DECR1: variants seen among roughly 807,000 people sequenced by gnomAD.
DECR1 encodes 2,4-dienoyl-CoA reductase [(3E)-enoyl-CoA-producing], mitochondrial.
A neutral mutation model predicts 38.8 loss-of-function variants in DECR1; 44 were observed. That is an observed-to-expected ratio of 1.13 (90% CI 0.89 to 1.46). The LOEUF (loss-of-function observed/expected upper bound fraction) is 1.46, where lower values mean the gene tolerates loss of function less well. DECR1 is among the 40% of genes most tolerant of loss of function. DECR1 has a pLI of 0.00. For synonymous variants in DECR1, 148 were observed against 135.2 expected, an observed-to-expected ratio of 1.09 and a Z score of -0.66; for missense variants, 428 against 405.5, an observed-to-expected ratio of 1.06 and a Z score of -0.48.
At chr8:90,003,765 C>T (rs551772965) in intron 1 of DECR1, among the ~76,000 whole-genome samples, 34 of 152,050 alleles carry the variant, frequency 2.2e-4, no homozygotes, top group Admixed American at 1.1e-3. Flanking sequence ...CATGGTGAAA[C>T]CCTGTCTCTA....
intron 1 of DECR1, among the ~76,000 whole-genome samples, chr8:90,016,131 G>T (rs2158423): frequency 6.6e-6 from 1 of 151,962 alleles, no homozygotes; most frequent in Non-Finnish European, 1.5e-5. Context: ...TTTTTACTCC[G>T]AAATGGATTG....
At chr8:90,001,846 CG>C (rs1452265627) in intron 1 of DECR1, among the ~76,000 whole-genome samples, 1 of 149,006 alleles carries the variant, frequency 6.7e-6, no homozygotes. Context: ...CAGAGCAACC[CG>C]GGGAGCGAGA....
intron 5 of DECR1, chr8:90,029,423 A>G (rs1256481926): frequency 6.6e-6 from 1 of 152,160 alleles, no homozygotes; most frequent in Admixed American, 6.6e-5. Context: ...CTTGAACCAT[A>G]TGGAGCTTGT....
rs1286533861 is a variant in DECR1 at position 90,036,134 on chromosome 8, C to T, written c.566-707C>T. Among the ~76,000 whole-genome samples the T allele has an allele frequency of 3.3e-5, 5 of 152,130 alleles. No homozygotes were observed. In the East Asian group the frequency reaches 9.6e-4, roughly 29 times the overall value. ...AAAGACTCTTTGAGACTCCATGCAG[C>T]TTTATGGAGTTCTATTAATATCTCT... On this transcript the variant is annotated intron_variant, in intron 5 of 9. Transcript: ENST00000220764.
At chr8:90,043,909 T>A (rs921054596) in intron 7 of DECR1, among the ~76,000 whole-genome samples, 50 of 152,294 alleles carry the variant, frequency 3.3e-4, no homozygotes, top group African/African-American at 1.2e-3. Flanking sequence ...AAAAATCACC[T>A]GCATTTTATT....
Position 90,052,137 on chromosome 8 carries a change from C to T in DECR1, c.*240C>T, listed in dbSNP as rs1814115525. ...ATGGGGAGAGTAGGTAAAGGCTCCT[C>T]TTTACCTATTGATAGAGGTAAAAAG... is the stretch of plus-strand genomic sequence containing the variant. On this transcript the variant is annotated 3_prime_UTR_variant, in exon 10 of 10. Coordinates refer to ENST00000220764, the MANE Select transcript of DECR1 (RefSeq NM_001359.2). 1 of 461,082 alleles carries T rather than the reference C, an allele frequency of 2.2e-6. No individual in the cohort carries two copies. The highest frequency in any genetic ancestry group is 2.0e-5 in the African/African-American group (1 of 49,314). The allele number at this position is 461,082 out of a possible 1,614,324, so 28.6% of individuals were successfully genotyped here. A position where few individuals can be genotyped will look rare whatever the true frequency, so the allele number is the denominator to read the frequency against.
intron 1 of DECR1, among the ~76,000 whole-genome samples, chr8:90,013,966 A>C (rs560060679): frequency 2.0e-5 from 3 of 152,100 alleles, no homozygotes; most frequent in Non-Finnish European, 4.4e-5. Context: ...TGTTTATATG[A>C]TGTAGGAGAG....
intron 1 of DECR1, chr8:90,015,759 C>A: frequency 4.7e-6 from 2 of 422,422 alleles, no homozygotes; most frequent in Non-Finnish European, 4.8e-6. Flanking sequence ...TTAAGCTTAG[C>A]AGGATCTCAG....
intron 1 of DECR1, among the ~76,000 whole-genome samples, chr8:90,010,619 A>T (rs1812859556): frequency 6.6e-6 from 1 of 152,230 alleles, no homozygotes; most frequent in Non-Finnish European, 1.5e-5. Flanking sequence ...TACCACGCTG[A>T]TAGTTTAATA....
chr8:90,007,710 A>T (rs1812780855), intron 1 of DECR1, among the ~76,000 whole-genome samples: 1 of 152,256 alleles, frequency 6.6e-6, no homozygotes, highest in Non-Finnish European at 1.5e-5. Flanking sequence ...CATGATAATG[A>T]CATCAAAAGA....
At chr8:90,048,430 A>G (rs1813970901) in intron 8 of DECR1, among the ~76,000 whole-genome samples, 1 of 152,212 alleles carries the variant, frequency 6.6e-6, no homozygotes, top group Admixed American at 6.5e-5. Flanking sequence ...AAACTAGAAA[A>G]TCTAGAAGAA....
At chr8:90,029,179 T>A (rs374523894) in intron 5 of DECR1, 1 of 152,286 alleles carries the variant, frequency 6.6e-6, no homozygotes, top group South Asian at 2.1e-4. Flanking sequence ...ATTCAGCTTT[T>A]TCATCTATAA....
chr8:90,044,238 T>C (rs1813830735), intron 7 of DECR1, among the ~76,000 whole-genome samples: 1 of 152,326 alleles, frequency 6.6e-6, no homozygotes, highest in South Asian at 2.1e-4. Context: ...GGCTGCATTA[T>C]TGAGGAAAAC....
At chr8:90,046,164 G>A (rs1007087965) in intron 8 of DECR1, among the ~76,000 whole-genome samples, 3 of 152,198 alleles carry the variant, frequency 2.0e-5, no homozygotes, top group African/African-American at 7.2e-5. Context: ...CGCCAGCAAC[G>A]GAACAAAGCT....
intron 1 of DECR1, chr8:90,015,702 G>C (rs998441352): frequency 2.2e-6 from 1 of 455,698 alleles, no homozygotes; most frequent in South Asian, 1.6e-5. Context: ...TGTTAATCTT[G>C]CCACCATGAC....
intron 5 of DECR1, among the ~76,000 whole-genome samples, chr8:90,024,801 A>G (rs568101020): frequency 3.0e-4 from 45 of 152,310 alleles, no homozygotes; most frequent in African/African-American, 1.0e-3. Context: ...GCCCATGCCT[A>G]TGTCCTGAAT....
chr8:90,005,480 A>G (rs1331802110), intron 1 of DECR1: 8 of 455,726 alleles, frequency 1.8e-5, no homozygotes, highest in Non-Finnish European at 3.1e-5. Context: ...AAGCCAAAGT[A>G]TCACTTTTAT....
intron 1 of DECR1, chr8:90,006,392 AGTCT>A (rs1812740679): frequency 2.9e-6 from 2 of 689,810 alleles, no homozygotes; most frequent in East Asian, 5.4e-5. Flanking sequence ...ACAGGAGAGT[AGTCT>A]ATGTGAAGGC....
At chr8:90,010,732 G>T (rs1812863775) in intron 1 of DECR1, among the ~76,000 whole-genome samples, 1 of 152,122 alleles carries the variant, frequency 6.6e-6, no homozygotes, top group Non-Finnish European at 1.5e-5. Context: ...ATACGTAGAA[G>T]CTCCAAGAAA....
Sources: gnomAD v4.1 joint callset for allele counts (sites outside exome capture counted in the v4.1 genomes callset) on GRCh38, gnomAD v4.1.1 for gene constraint, MANE v1.5 for transcripts, NCBI Gene and HGNC (gene_info 2026-07-23, HGNC 2026-07-21) for gene names.